CYP2C19: variants seen among roughly 807,000 people sequenced by gnomAD.
The protein encoded by CYP2C19 is cytochrome P450 family 2 subfamily C member 19.
In CYP2C19, 59 loss-of-function variants were observed where a neutral mutation model predicts 40.9. The observed-to-expected ratio is 1.44, with a 90% CI of 1.17 to 1.79. The LOEUF is 1.79. Among genes scored for constraint, CYP2C19 ranks in the 40% most tolerant of loss-of-function variants. The pLI, the probability that CYP2C19 is intolerant of heterozygous loss-of-function variation, is 0.00. For synonymous variants in CYP2C19, 253 were observed against 208.7 expected (o/e 1.21, Z -1.83); for missense variants, 754 against 596.9 (o/e 1.26, Z -2.74).
At chr10:94,818,062 T>G (rs1256331964) in intron 5 of CYP2C19, among the ~76,000 whole-genome samples, 1 of 150,878 alleles carries the variant, frequency 6.6e-6, no homozygotes, top group East Asian at 1.9e-4. Flanking sequence ...GAATTGATTT[T>G]TGTATAAGGT....
At position 94,853,433 on chromosome 10, in the gene CYP2C19, G is replaced by C. The variant is rs542004573; in HGVS notation, c.*519G>C. 6.6e-6 allele frequency among the ~76,000 whole-genome samples: 1 copy of C among 152,254 alleles called. No homozygotes were observed. Among genetic ancestry groups the C allele is most frequent in the East Asian group, 1.9e-4 (1 of 5,182 alleles). On this transcript the variant is annotated 3_prime_UTR_variant, in exon 9 of 9. Coordinates refer to ENST00000371321, the MANE Select transcript of CYP2C19 (RefSeq NM_000769.4). ...ATTACCAAAATTTAGAGTTACATGAGGATTGGATTTGAAAGTGAGAAACTG... is the reference window on the plus strand; with the variant it reads ...ATTACCAAAATTTAGAGTTACATGACGATTGGATTTGAAAGTGAGAAACTG...
chr10:94,781,659 T>C (rs1334349209), intron 4 of CYP2C19, among the ~76,000 whole-genome samples, 162 bp from the exon 5 acceptor site: 1 of 152,064 alleles, frequency 6.6e-6, no homozygotes, highest in Non-Finnish European at 1.5e-5. Context: ...AAATCTTGTA[T>C]AATCAGAGAA....
intron 3 of CYP2C19, among the ~76,000 whole-genome samples, chr10:94,778,016 G>A (rs1848433491): frequency 6.6e-6 from 1 of 152,114 alleles, no homozygotes; most frequent in African/African-American, 2.4e-5. Flanking sequence ...GCCAATGGAT[G>A]AAATGAGTAC....
chr10:94,812,695 A>G (rs1042364555), intron 5 of CYP2C19, among the ~76,000 whole-genome samples: 6 of 151,860 alleles, frequency 4.0e-5, no homozygotes, highest in Non-Finnish European at 8.8e-5. Context: ...ATGCTTCACA[A>G]AGTTCTCATT....
intron 6 of CYP2C19, among the ~76,000 whole-genome samples, chr10:94,827,919 G>A (rs533820382): frequency 6.1e-4 from 93 of 151,704 alleles, no homozygotes; most frequent in African/African-American, 1.8e-3. Context: ...ATTTCGTTAT[G>A]TACCCAGTAG....
At chr10:94,777,048 A>G (rs1399868247) in intron 3 of CYP2C19, among the ~76,000 whole-genome samples, 1 of 152,162 alleles carries the variant, frequency 6.6e-6, no homozygotes, top group African/African-American at 2.4e-5. Flanking sequence ...ACTCCCATTC[A>G]CAATTGCTAC....
chr10:94,820,035 A>C (rs1849086811), intron 5 of CYP2C19, among the ~76,000 whole-genome samples: 3 of 149,206 alleles, frequency 2.0e-5, no homozygotes, highest in Admixed American at 2.0e-4. Context: ...CAAAAAGCTT[A>C]TCCACCATGA....
intron 6 of CYP2C19, among the ~76,000 whole-genome samples, chr10:94,838,664 T>G (rs1460364080): frequency 6.6e-6 from 1 of 151,954 alleles, no homozygotes; most frequent in East Asian, 1.9e-4. Flanking sequence ...GGGGGATCCT[T>G]GTTAGCTGGG....
At chr10:94,805,541 T>G (rs879217971) in intron 5 of CYP2C19, among the ~76,000 whole-genome samples, 1 of 152,208 alleles carries the variant, frequency 6.6e-6, no homozygotes, top group African/African-American at 2.4e-5. Flanking sequence ...CTGCCATACA[T>G]CTACAGAATT....
In CYP2C19 at chr10:94,853,290, G is replaced by A; in HGVS notation, c.*376G>A. The A allele has an allele frequency of 2.7e-6, 1 of 375,712 alleles. No homozygotes were observed. The highest frequency in any genetic ancestry group is 4.9e-6 in the Non-Finnish European group (1 of 205,896). 23.3% of individuals were successfully genotyped at this position (375,712 alleles called of 1,614,324 possible). A position where few individuals can be genotyped will look rare whatever the true frequency, so the allele number is the denominator to read the frequency against. On this transcript the variant is annotated 3_prime_UTR_variant, in exon 9 of 9. Coordinates refer to ENST00000371321, the MANE Select transcript of CYP2C19 (RefSeq NM_000769.4). ...GGTTATTAGACCTTCCTTCCTTTGT[G>A]CATAATGCAGGTGACAAATTAAAGA...
rs1297207829 is a variant in CYP2C19 at position 94,855,217 on chromosome 10, A to C, written c.*2303A>C. The stretch of plus-strand genomic sequence containing the variant: ...TGATTACATGAAACCCACCAGTGTA[A>C]TCTCTTCATGTCCAGACATTATTTA... On this transcript the variant is annotated 3_prime_UTR_variant, in exon 9 of 9. Transcript: ENST00000371321. Among the ~76,000 whole-genome samples, 1 of 152,116 alleles carries C rather than the reference A, an allele frequency of 6.6e-6. No individual in the cohort carries two copies. Among genetic ancestry groups the C allele is most frequent in the African/African-American group, 2.4e-5 (1 of 41,420 alleles).
Position 94,770,703 on chromosome 10 carries a change from G to A in CYP2C19, c.169-4355G>A, listed in dbSNP as rs531777464. On this transcript the variant is annotated intron_variant, in intron 1 of 8. Coordinates refer to ENST00000371321, the MANE Select transcript of CYP2C19 (RefSeq NM_000769.4). ...TTCTTAAGGCCTCCTGTAGCCACTC[G>A]AGGAAAGCAGAAGGATTTTCTTCCT... 4.6e-5 allele frequency among the ~76,000 whole-genome samples: 7 copies of A among 152,216 alleles called. No individual in the cohort carries two copies. In the East Asian group the frequency reaches 1.4e-3, roughly 29 times the overall value.
At chr10:94,766,214 C>T (rs1316587071) in intron 1 of CYP2C19, among the ~76,000 whole-genome samples, 1 of 105,816 alleles carries the variant, frequency 9.5e-6, no homozygotes, top group East Asian at 4.0e-4. Flanking sequence ...CAGTCATTTG[C>T]CAGGGAAGGA....
rs573996969 is a variant in CYP2C19, at chr10:94,794,461, G to A, written c.819+12464G>A. On this transcript the variant is annotated intron_variant, in intron 5 of 8. Transcript: ENST00000371321. ...CTCACACTGGGAGCTGTAGACTGGA[G>A]CTCTTCCTATTCGGCCACCTTGGAA... Among the ~76,000 whole-genome samples the A allele has an allele frequency of 2.6e-5, 4 of 152,206 alleles. No homozygotes were observed. In the South Asian group the frequency reaches 6.2e-4, roughly 24 times the overall value.
intron 5 of CYP2C19, among the ~76,000 whole-genome samples, chr10:94,794,842 C>T (rs1848659771): frequency 6.6e-6 from 1 of 152,022 alleles, no homozygotes; most frequent in Non-Finnish European, 1.5e-5. Context: ...ATCATGTCAT[C>T]TGCAAACAGG....
At chr10:94,812,207 C>A (rs1848936507) in intron 5 of CYP2C19, among the ~76,000 whole-genome samples, 2 of 152,192 alleles carry the variant, frequency 1.3e-5, no homozygotes, top group African/African-American at 4.8e-5. Flanking sequence ...TTGGCCCCCA[C>A]TCTCCTCTGG....
intron 6 of CYP2C19, among the ~76,000 whole-genome samples, chr10:94,826,028 G>T (rs1350503925): frequency 6.7e-6 from 1 of 149,596 alleles, no homozygotes; most frequent in Non-Finnish European, 1.5e-5. Context: ...TCTCTGTTTT[G>T]GTACCAGTAC....
chr10:94,814,891 A>C (rs1008472614), intron 5 of CYP2C19, among the ~76,000 whole-genome samples: 1 of 141,390 alleles, frequency 7.1e-6, no homozygotes, highest in Admixed American at 7.0e-5. Flanking sequence ...TCTCTGTGGC[A>C]GTGTTGAATG....
intron 1 of CYP2C19, among the ~76,000 whole-genome samples, chr10:94,771,713 A>C (rs569572862): frequency 2.0e-5 from 3 of 152,240 alleles, no homozygotes; most frequent in African/African-American, 7.2e-5. Context: ...CCTGCCCAGG[A>C]ACCTGCAACA....
Sources: allele counts gnomAD v4.1 joint callset (sites outside exome capture counted in the v4.1 genomes callset), GRCh38; gene constraint gnomAD v4.1.1; transcripts MANE v1.5; gene names NCBI Gene and HGNC (gene_info 2026-07-23, HGNC 2026-07-21).